NLRP13: variants seen among roughly 807,000 people sequenced by gnomAD.
NLRP13 encodes the protein NACHT, LRR and PYD domains-containing protein 13.
A neutral mutation model predicts 94.4 loss-of-function variants in NLRP13; 82 were observed. The ratio of observed to expected loss-of-function variants is 0.87; its 90% confidence interval spans 0.73 to 1.04. The LOEUF is 1.04. NLRP13 is among the 50% of genes least tolerant of loss of function. The pLI is 0.00. For synonymous variants in NLRP13, 553 were observed against 464.7 expected (o/e 1.19, Z -2.45); for missense variants, 1,426 against 1,230.8 (o/e 1.16, Z -2.37).
At chr19:55,917,942 T>G (rs1225773254) in intron 4 of NLRP13, among the ~76,000 whole-genome samples, 1 of 151,988 alleles carries the variant, frequency 6.6e-6, no homozygotes, top group African/African-American at 2.4e-5. Context: ...AACCTTCTAC[T>G]CAACTGCAGA....
chr19:55,904,538 T>C (rs1414609174), intron 8 of NLRP13, among the ~76,000 whole-genome samples: 1 of 152,216 alleles, frequency 6.6e-6, no homozygotes, highest in Non-Finnish European at 1.5e-5. Flanking sequence ...GTCATTCTAC[T>C]CTCGTTCTAC....
At chr19:55,910,765 AG>A (rs750477190) in intron 5 of NLRP13, 32 bp from the exon 6 acceptor site, 1 of 1,554,612 alleles carries the variant, frequency 6.4e-7, no homozygotes, top group African/African-American at 1.4e-5. Context: ...CACGGATAAG[AG>A]CAAATTAGCC....
chr19:55,924,846 GTT>G, intron 2 of NLRP13, 119 bp downstream of exon 2: 1 of 948,936 alleles, frequency 1.1e-6, no homozygotes, highest in Non-Finnish European at 1.6e-6. Flanking sequence ...TAGTTGGAAA[GTT>G]TTTAATTTTT....
At chr19:55,924,448 C>A in intron 3 of NLRP13, 142 bp downstream of exon 3, 1 of 647,342 alleles carries the variant, frequency 1.5e-6, no homozygotes. Context: ...ATAAGAAATA[C>A]TGGAAGAACT....
At position 55,910,704 on chromosome 19, in the gene NLRP13, G is replaced by A; in HGVS notation, c.2141C>T (p.Ala714Val). 6.2e-7 allele frequency: 1 copy of A among 1,610,148 alleles called. No homozygotes were observed. Among genetic ancestry groups the A allele is most frequent in the Non-Finnish European group, 8.5e-7 (1 of 1,176,920 alleles). ...ETSKFDSRMH[A>V]WNSICSTLVT... ...CAACGTAGAGCAAATGCTGTTCCAT[G>A]CGTGCATCCTGGAATCAAACTTGCT... The change falls in exon 6 of 11, where the codon GCA becomes GTA. Residue 714 changes from alanine to valine, a missense_variant. Ala to Val is a moderately conservative substitution (Grantham distance 64, BLOSUM62 0). Coordinates refer to ENST00000342929, the MANE Select transcript of NLRP13 (RefSeq NM_176810.2).
At chr19:55,915,657 C>G (rs949155342) in intron 4 of NLRP13, among the ~76,000 whole-genome samples, 2 of 151,970 alleles carry the variant, frequency 1.3e-5, no homozygotes, top group African/African-American at 4.8e-5. Context: ...AGAGAATATT[C>G]GAGCCCAACA....
rs930750556 is a variant in NLRP13, at chr19:55,912,443, A to C, written c.1374T>G (p.Tyr458Ter). ...CTGTGGAGAACAAGTTGGAGAAAAAATAGGCATACAGACTGGTGGTAGTCT... is the reference window on the plus strand; with the variant it reads ...CTGTGGAGAACAAGTTGGAGAAAAACTAGGCATACAGACTGGTGGTAGTCT... Reference protein sequence around the residue: ...ITQTTTSLYAYFFSNLFSTAE... With the variant: ...ITQTTTSLYA The change falls in exon 5 of 11, where the codon TAT (tyrosine) becomes TAG (stop). Residue 458 changes from tyrosine (Y) to a stop codon, truncating the protein, a stop_gained. Transcript: ENST00000342929. LOFTEE classifies it high-confidence loss of function. 6.2e-7 allele frequency: 1 copy of C among 1,614,106 alleles called. No individual in the cohort carries two copies. The highest frequency in any genetic ancestry group is 1.3e-5 in the African/African-American group (1 of 74,938).
intron 10 of NLRP13, 23 bp downstream of exon 10, chr19:55,898,747 C>T (rs759491039): frequency 1.3e-6 from 2 of 1,579,624 alleles, no homozygotes; most frequent in South Asian, 1.2e-5. Context: ...GAAGACTCTG[C>T]AAGGAGAACA....
chr19:55,892,171 G>A (rs900631518), downstream of NLRP13: 11 of 1,222,232 alleles, frequency 9.0e-6, no homozygotes, highest in Non-Finnish European at 8.2e-6. Context: ...AAGTTTAGAA[G>A]TAATTTTTAA....
intron 1 of NLRP13, among the ~76,000 whole-genome samples, chr19:55,929,297 AT>A (rs1456305965): frequency 1.3e-5 from 2 of 152,236 alleles, no homozygotes; most frequent in African/African-American, 2.4e-5. Context: ...AGGATTATAA[AT>A]CATTCTACTA....
chr19:55,920,370 A>T (rs187497217), intron 4 of NLRP13, among the ~76,000 whole-genome samples: 1 of 152,192 alleles, frequency 6.6e-6, no homozygotes, highest in Non-Finnish European at 1.5e-5. Flanking sequence ...AGAAGTAATC[A>T]AGTGAACAGA....
At chr19:55,914,719 GTCACAAATGATAGAATT>G (rs1189561644) in intron 4 of NLRP13, among the ~76,000 whole-genome samples, 2 of 152,130 alleles carry the variant, frequency 1.3e-5, no homozygotes, top group African/African-American at 4.8e-5. Flanking sequence ...AATTTGTGTT[GTCACAAATGATAGAATT>G]TCACAAATGA....
intron 9 of NLRP13, among the ~76,000 whole-genome samples, chr19:55,900,854 A>G (rs1986149533): frequency 2.0e-5 from 3 of 151,928 alleles, no homozygotes; most frequent in African/African-American, 4.8e-5. Flanking sequence ...GAAGCTTTAG[A>G]TGAAAGGAGA....
chr19:55,915,090 C>T (rs1280177397), intron 4 of NLRP13, among the ~76,000 whole-genome samples: 1 of 152,090 alleles, frequency 6.6e-6, no homozygotes, highest in Non-Finnish European at 1.5e-5. Context: ...GCAAAGGGTA[C>T]AAAGTTTCAG....
chr19:55,912,181 T>C lies in NLRP13; in HGVS notation c.1636A>G (p.Met546Val), dbSNP rs1264033621. The change falls in exon 5 of 11, where the codon ATG becomes GTG. Residue 546 changes from methionine to valine, a missense_variant. Met to Val is a conservative substitution (Grantham distance 21, BLOSUM62 1). Transcript: ENST00000342929. ...CTAGGTTCCTCTAGCACAAAGGACA[T>C]GGCTGCAAAAAACTCCTGGAAACTT... is the stretch of plus-strand genomic sequence containing the variant. ...HLSFQEFFAA[M>V]SFVLEEPREF... 2 of 1,614,178 alleles carry C rather than the reference T, an allele frequency of 1.2e-6. No homozygotes were observed. Among genetic ancestry groups the C allele is most frequent in the Admixed American group, 1.7e-5 (1 of 60,020 alleles).
In NLRP13 at chr19:55,912,552, C is replaced by G; in HGVS notation, c.1265G>C (p.Cys422Ser). 6.2e-7 allele frequency: 1 copy of G among 1,614,108 alleles called. No individual in the cohort carries two copies. The highest frequency in any genetic ancestry group is 8.5e-7 in the Non-Finnish European group (1 of 1,179,986). Residue 422 changes from cysteine (C) to serine (S), a missense_variant, in exon 5 of 11, where the codon TGC (cysteine) becomes TCC (serine). Coordinates refer to ENST00000342929, the MANE Select transcript of NLRP13 (RefSeq NM_176810.2). ...GGTCCAACACACCATGGGGGCACTG[C>G]AGGAATGAAAGAGAGTTTCGTTTTT... ...LRKNETLFHS[C>S]SAPMVCWTVC...
In NLRP13 at chr19:55,912,013, C is replaced by T. The variant is rs536840677; in HGVS notation, c.1804G>A (p.Asp602Asn). The T allele has an allele frequency of 5.5e-4, 894 of 1,614,164 alleles. 13 individuals are homozygous for T. The South Asian group carries it at 9.3e-3, about 17-fold the overall frequency. Reference protein sequence around the residue: ...LNKNIARELEDTLHCKISPRV... With the variant: ...LNKNIARELENTLHCKISPRV... ...GGAGATATTTTACAATGCAAAGTATCTTCCAGTTCTCTTGCTATGTTTTTA... is the reference window on the plus strand; with the variant it reads ...GGAGATATTTTACAATGCAAAGTATTTTCCAGTTCTCTTGCTATGTTTTTA... The change falls in exon 5 of 11, where the codon GAT (aspartate) becomes AAT (asparagine). Residue 602 changes from aspartate to asparagine, a missense_variant. By Grantham distance (23) the Asp-to-Asn change is conservative. Transcript: ENST00000342929.
chr19:55,925,196 C>G (rs1986938677), intron 1 of NLRP13, among the ~76,000 whole-genome samples, 161 bp from the exon 2 acceptor site: 2 of 152,216 alleles, frequency 1.3e-5, no homozygotes, highest in Admixed American at 1.3e-4. Flanking sequence ...ACTGAAGATG[C>G]AGTGTGCACT....
Position 55,919,187 on chromosome 19 carries a change from C to A in NLRP13, c.523+4727G>T, listed in dbSNP as rs540071150. Among the ~76,000 whole-genome samples the A allele has an allele frequency of 8.5e-5, 13 of 152,164 alleles. No individual in the cohort carries two copies. The South Asian group carries it at 2.7e-3, about 32-fold the overall frequency. On this transcript the variant is annotated intron_variant, in intron 4 of 10. Coordinates refer to ENST00000342929, the MANE Select transcript of NLRP13 (RefSeq NM_176810.2). Reference sequence around the variant, plus strand: ...ATTCAGCATCCCTTCATGATAAAAACCCTCAACAAACTAAGCTTCAAAGGA... The same window carrying A: ...ATTCAGCATCCCTTCATGATAAAAAACCTCAACAAACTAAGCTTCAAAGGA...
Sources: gnomAD v4.1 joint callset for allele counts (sites outside exome capture counted in the v4.1 genomes callset) on GRCh38, gnomAD v4.1.1 for gene constraint, MANE v1.5 for transcripts, NCBI Gene and HGNC (gene_info 2026-07-23, HGNC 2026-07-21) for gene names.